The following NRXN3 variants were observed in gnomAD, a reference collection of about 807,000 sequenced individuals.
NRXN3 encodes the protein neurexin III.
NRXN3 carries 32 observed loss-of-function variants against 137.6 expected under a neutral mutation model. That is an observed-to-expected ratio of 0.23 (90% confidence interval 0.18 to 0.31). NRXN3 has a LOEUF of 0.31. NRXN3 is among the 10% of genes least tolerant of loss of function. The pLI is 1.00. For missense variants in NRXN3, 1,574 were observed against 2,062.5 expected, an observed-to-expected ratio of 0.76 and a Z score of 4.59; for synonymous variants, 798 against 784.5, an observed-to-expected ratio of 1.02 and a Z score of -0.29.
At chr14:79,249,755 G>T (rs1277896932) in intron 15 of NRXN3, among the ~76,000 whole-genome samples, 2 of 152,160 alleles carry the variant, frequency 1.3e-5, no homozygotes, top group Non-Finnish European at 2.9e-5. Flanking sequence ...GATCTATACA[G>T]CTTATAGCAG....
intron 16 of NRXN3, among the ~76,000 whole-genome samples, chr14:79,493,237 G>C (rs1461972119): frequency 6.6e-6 from 1 of 152,198 alleles, no homozygotes; most frequent in Non-Finnish European, 1.5e-5. Flanking sequence ...GAAAGTGCTG[G>C]GGCTTTAGGG....
intron 15 of NRXN3, among the ~76,000 whole-genome samples, chr14:79,401,569 G>C (rs1344105268): frequency 6.6e-6 from 1 of 152,136 alleles, no homozygotes; most frequent in Non-Finnish European, 1.5e-5. Flanking sequence ...AGCGTCTTCT[G>C]CTTTCTAATA....
intron 15 of NRXN3, among the ~76,000 whole-genome samples, chr14:79,024,577 T>G (rs963167603): frequency 6.6e-6 from 1 of 152,118 alleles, no homozygotes; most frequent in Non-Finnish European, 1.5e-5. Context: ...TAGCTGAGAA[T>G]TTAGAGCATT....
At chr14:79,213,802 A>C (rs1221950421) in intron 15 of NRXN3, among the ~76,000 whole-genome samples, 2 of 152,118 alleles carry the variant, frequency 1.3e-5, no homozygotes, top group Non-Finnish European at 2.9e-5. Flanking sequence ...CTCTTTCAAA[A>C]TGTCAGCACC....
intron 15 of NRXN3, among the ~76,000 whole-genome samples, chr14:79,377,202 T>C (rs1419065183): frequency 2.0e-5 from 3 of 152,212 alleles, no homozygotes; most frequent in Non-Finnish European, 4.4e-5. Flanking sequence ...TATCTTAAGA[T>C]GCTAAGTTTA....
intron 18 of NRXN3, among the ~76,000 whole-genome samples, chr14:79,694,352 T>C (rs1265840173): frequency 6.6e-6 from 1 of 151,968 alleles, no homozygotes; most frequent in Non-Finnish European, 1.5e-5. Context: ...TTAAGCAGTA[T>C]GTGAACTTGA....
chr14:79,740,070 C>A (rs1603458243), intron 19 of NRXN3, among the ~76,000 whole-genome samples: 1 of 152,154 alleles, frequency 6.6e-6, no homozygotes, highest in African/African-American at 2.4e-5. Flanking sequence ...AAACTGCCAA[C>A]CTTCCTTTTC....
At chr14:78,425,551 AG>A (rs1281029319) in intron 4 of NRXN3, among the ~76,000 whole-genome samples, 1 of 152,166 alleles carries the variant, frequency 6.6e-6, no homozygotes, top group Non-Finnish European at 1.5e-5. Flanking sequence ...ACAGGCCAGC[AG>A]GGGCCCCTCC....
intron 10 of NRXN3, among the ~76,000 whole-genome samples, chr14:78,851,277 A>C (rs2099041774): frequency 2.0e-5 from 3 of 152,104 alleles, no homozygotes; most frequent in Admixed American, 2.0e-4. Context: ...GTGTTGACAT[A>C]TTTTTACGGT....
chr14:79,735,573 G>A (rs1297349090), intron 19 of NRXN3, among the ~76,000 whole-genome samples: 2 of 152,142 alleles, frequency 1.3e-5, no homozygotes, highest in East Asian at 1.9e-4. Context: ...GGTAATTTGT[G>A]TACATATAAG....
intron 4 of NRXN3, among the ~76,000 whole-genome samples, chr14:78,593,311 A>G (rs544348211): frequency 6.6e-6 from 1 of 152,324 alleles, no homozygotes; most frequent in South Asian, 2.1e-4. Context: ...GTGAGACTGC[A>G]CGAAGATAAA....
chr14:79,098,075 T>A (rs893766792), intron 15 of NRXN3, among the ~76,000 whole-genome samples: 1 of 152,170 alleles, frequency 6.6e-6, no homozygotes, highest in African/African-American at 2.4e-5. Context: ...CAAAGTGGAA[T>A]AACAAGCCCT....
At chr14:79,315,405 C>T (rs547327705) in intron 15 of NRXN3, among the ~76,000 whole-genome samples, 28 of 151,620 alleles carry the variant, frequency 1.8e-4, no homozygotes, top group Non-Finnish European at 3.2e-4. Flanking sequence ...CCATCCTATT[C>T]GAAAAAAGAA....
chr14:78,516,247 C>T (rs1214349406), intron 4 of NRXN3, among the ~76,000 whole-genome samples: 4 of 151,558 alleles, frequency 2.6e-5, no homozygotes, highest in Admixed American at 6.6e-5. Flanking sequence ...ATTCAAAAAG[C>T]GTAAAGATTT....
At chr14:78,630,748 G>A (rs960854198) in intron 4 of NRXN3, among the ~76,000 whole-genome samples, 1 of 152,052 alleles carries the variant, frequency 6.6e-6, no homozygotes. Context: ...GGGACTGCAG[G>A]TGCCTGCCAC....
intron 17 of NRXN3, among the ~76,000 whole-genome samples, chr14:79,674,623 A>T (rs2098630757): frequency 1.3e-5 from 2 of 152,034 alleles, no homozygotes; most frequent in African/African-American, 4.8e-5. Flanking sequence ...AGAGCACTCC[A>T]GTTTGCATCA....
chr14:78,243,769 A>G lies in NRXN3; in HGVS notation c.676A>G (p.Thr226Ala), dbSNP rs1165299999. 1 of 1,593,380 alleles carries G rather than the reference A, an allele frequency of 6.3e-7. No individual in the cohort carries two copies. Among genetic ancestry groups the G allele is most frequent in the Non-Finnish European group, 8.5e-7 (1 of 1,177,016 alleles). The change falls in exon 2 of 21, where the codon ACC (threonine) becomes GCC (alanine). Residue 226 changes from threonine (T) to alanine (A), a missense_variant. Coordinates refer to ENST00000335750, the MANE Select transcript of NRXN3 (RefSeq NM_001330195.2). The surrounding 1 kb of genome is among the most constrained non-coding windows in gnomAD (Gnocchi z 4.2). ...CGGCCACCCCACCTGTGACTGTTCT[A>G]CCACTGGCTATGGTGGCAAGCTCTG... Reference protein sequence around the residue: ...LDGHPTCDCSTTGYGGKLCSE... With the variant: ...LDGHPTCDCSATGYGGKLCSE...
intron 19 of NRXN3, among the ~76,000 whole-genome samples, chr14:79,756,643 A>C (rs2099020591): frequency 6.6e-6 from 1 of 152,176 alleles, no homozygotes; most frequent in African/African-American, 2.4e-5. Context: ...TGCCAGTAAC[A>C]GGGAGTTTTC....
At chr14:79,066,070 C>T (rs1031932193) in intron 15 of NRXN3, among the ~76,000 whole-genome samples, 2 of 152,146 alleles carry the variant, frequency 1.3e-5, no homozygotes, top group Non-Finnish European at 2.9e-5. Flanking sequence ...TTTTTGCCCA[C>T]GCCTAATTCC....
Sources: gnomAD v4.1 joint callset for allele counts (sites outside exome capture counted in the v4.1 genomes callset) on GRCh38, gnomAD v4.1.1 for gene constraint, Gnocchi (gnomAD v3.1) non-coding constraint, MANE v1.5 for transcripts, NCBI Gene and HGNC (gene_info 2026-07-23, HGNC 2026-07-21) for gene names.